Variants in GYPE observed in about 807,000 individuals in gnomAD.
The protein encoded by GYPE is glycophorin-E.
Under a neutral mutation model 11.6 loss-of-function variants are expected in GYPE, and 8 were observed. The observed-to-expected ratio is 0.69, with a 90% CI of 0.41 to 1.25. The LOEUF is 1.25. Ranked by LOEUF, GYPE falls within the 50% of genes most tolerant of loss-of-function variation. GYPE has a pLI of 0.01. For missense variants in GYPE, 90 were observed against 92.8 expected, an observed-to-expected ratio of 0.97 and a Z score of 0.12; for synonymous variants, 28 against 29.6, an observed-to-expected ratio of 0.94 and a Z score of 0.18.
intron 3 of GYPE, among the ~76,000 whole-genome samples, chr4:143,872,889 G>GT (rs1172187793): frequency 1.8e-4 from 28 of 151,848 alleles, no homozygotes; most frequent in African/African-American, 6.8e-4. Context: ...GGGTTGAAGG[G>GT]GGCAGGCCAG....
Position 143,878,671 on chromosome 4 carries a change from C to G in GYPE, c.136+1740G>C, listed in dbSNP as rs573190197. ...AGGGAAACGATGGACAAGTTGTCCC[C>G]TTTCTCCTATAAAGCGAAATTTCAA... On this transcript the variant is annotated intron_variant, in intron 2 of 3. Coordinates refer to ENST00000358615, the MANE Select transcript of GYPE (RefSeq NM_198682.3). 4 of 490,978 alleles carry G rather than the reference C, an allele frequency of 8.1e-6. 1 individual carries two copies. The highest frequency in any genetic ancestry group is 1.2e-4 in the East Asian group (2 of 16,866). 30.4% of individuals were successfully genotyped at this position (490,978 alleles called of 1,614,324 possible).
intron 3 of GYPE, among the ~76,000 whole-genome samples, chr4:143,872,687 A>G (rs1040280970): frequency 7.2e-5 from 11 of 152,170 alleles, no homozygotes; most frequent in Admixed American, 2.0e-4. Context: ...CAAAGCAGAT[A>G]AAAAATACAG....
At chr4:143,904,232 T>C (rs1744976629) in intron 1 of GYPE, among the ~76,000 whole-genome samples, 1 of 152,060 alleles carries the variant, frequency 6.6e-6, no homozygotes, top group Non-Finnish European at 1.5e-5. Flanking sequence ...ATTTTAATAA[T>C]ATATTATTAA....
chr4:143,874,219 A>C (rs1743714664), intron 3 of GYPE, among the ~76,000 whole-genome samples: 2 of 152,144 alleles, frequency 1.3e-5, no homozygotes, highest in African/African-American at 4.8e-5. Context: ...AAAAAGTGTA[A>C]AGAAAAAGAC....
intron 1 of GYPE, among the ~76,000 whole-genome samples, chr4:143,894,631 G>A (rs1293988113): frequency 1.3e-5 from 2 of 152,118 alleles, no homozygotes; most frequent in Non-Finnish European, 2.9e-5. Context: ...AGAAAAAGAG[G>A]GAATCCTCCC....
chr4:143,886,319 GA>G (rs1230024011), intron 1 of GYPE, among the ~76,000 whole-genome samples: 371 of 145,114 alleles, frequency 2.6e-3, no homozygotes, highest in East Asian at 0.015. Flanking sequence ...GCATCTGGTT[GA>G]AAAAAAAAAA....
At chr4:143,881,803 C>G (rs184583457) in intron 1 of GYPE, among the ~76,000 whole-genome samples, 2 of 152,278 alleles carry the variant, frequency 1.3e-5, no homozygotes, top group African/African-American at 4.8e-5. Flanking sequence ...TTGCTCATCT[C>G]TTTGAGATAT....
intron 3 of GYPE, among the ~76,000 whole-genome samples, chr4:143,873,169 T>C (rs1031064051): frequency 9.2e-5 from 14 of 152,184 alleles, no homozygotes; most frequent in African/African-American, 3.4e-4. Flanking sequence ...CTTTTAGTGA[T>C]TTCTTTTTAA....
At chr4:143,898,772 C>T (rs1190478046) in intron 1 of GYPE, among the ~76,000 whole-genome samples, 3 of 152,160 alleles carry the variant, frequency 2.0e-5, no homozygotes. Context: ...TATTCCCATA[C>T]ACTCATTTTG....
chr4:143,899,232 C>A (rs951674490), intron 1 of GYPE, among the ~76,000 whole-genome samples: 1 of 150,102 alleles, frequency 6.7e-6, no homozygotes, highest in Non-Finnish European at 1.5e-5. Context: ...CGGAGCCAAT[C>A]CTGGAACATC....
intron 1 of GYPE, among the ~76,000 whole-genome samples, chr4:143,897,934 A>G (rs1409478156): frequency 1.3e-5 from 2 of 152,220 alleles, no homozygotes; most frequent in African/African-American, 4.8e-5. Flanking sequence ...AATAAAACAT[A>G]GTATATATAT....
chr4:143,872,261 A>T lies in GYPE; in HGVS notation c.*10-9T>A, dbSNP rs1463942400. On this transcript the variant is annotated splice_polypyrimidine_tract_variant and intron_variant, in intron 3 of 3. Coordinates refer to ENST00000358615, the MANE Select transcript of GYPE (RefSeq NM_198682.3). ...CCCAGAGGCATGAAAACCTAGAAAAAAGAAAGTAGCTGTATAGCTTTCATT... is the reference window on the plus strand; with the variant it reads ...CCCAGAGGCATGAAAACCTAGAAAATAGAAAGTAGCTGTATAGCTTTCATT... The T allele has an allele frequency of 1.3e-5, 2 of 152,566 alleles. No individual in the cohort carries two copies. Among genetic ancestry groups the T allele is most frequent in the Non-Finnish European group, 2.9e-5 (2 of 68,034 alleles). The allele number at this position is 152,566 out of a possible 1,614,324, so 9.5% of individuals were successfully genotyped here. A position where few individuals can be genotyped will look rare whatever the true frequency, so the allele number is the denominator to read the frequency against.
intron 3 of GYPE, chr4:143,873,520 AG>A (rs1401061526): frequency 1.8e-5 from 8 of 451,970 alleles, no homozygotes; most frequent in South Asian, 1.3e-4. Context: ...ACAATCTATG[AG>A]TAACTTAAGT....
intron 2 of GYPE, chr4:143,878,700 A>T: frequency 2.0e-6 from 1 of 490,936 alleles, no homozygotes; most frequent in Non-Finnish European, 4.2e-6. Flanking sequence ...ATTTCAATGT[A>T]AGTCCAAATA....
At position 143,872,181 on chromosome 4, in the gene GYPE, A is replaced by T. The variant is rs371857550; in HGVS notation, c.*81T>A. On this transcript the variant is annotated 3_prime_UTR_variant, in exon 4 of 4. Coordinates refer to ENST00000358615, the MANE Select transcript of GYPE (RefSeq NM_198682.3). ...CAGCCGTCAGGCACACAATTACACC[A>T]TGAACAGTGAAGTAAAAAAATGTCC... is the stretch of plus-strand genomic sequence containing the variant. The T allele has an allele frequency of 1.3e-5, 2 of 152,504 alleles. No homozygotes were observed. The highest frequency in any genetic ancestry group is 2.9e-5 in the Non-Finnish European group (2 of 68,020). 9.4% of individuals were successfully genotyped at this position (152,504 alleles called of 1,614,324 possible).
rs538079177 is a variant in GYPE, at chr4:143,873,476, C to T, written c.*10-1224G>A. 242 of 455,530 alleles carry T rather than the reference C, an allele frequency of 5.3e-4. 1 individual carries two copies. The highest frequency in any genetic ancestry group is 3.6e-3 in the South Asian group (233 of 64,392). 28.2% of individuals were successfully genotyped at this position (455,530 alleles called of 1,614,324 possible). On this transcript the variant is annotated intron_variant, in intron 3 of 3. Coordinates refer to ENST00000358615, the MANE Select transcript of GYPE (RefSeq NM_198682.3). ...CAAATTATGTTACCAATAACACAAC[C>T]TACAAGAGAGAAGAGCCATGAGAAG...
At chr4:143,876,704 T>A in intron 3 of GYPE, 42 bp downstream of exon 3, 3 of 974,652 alleles carry the variant, frequency 3.1e-6, no homozygotes, top group Middle Eastern at 2.1e-4. Flanking sequence ...CGAGAGCTGT[T>A]CACACTGGTA....
At chr4:143,878,085 A>C (rs984919035) in intron 2 of GYPE, among the ~76,000 whole-genome samples, 1 of 148,086 alleles carries the variant, frequency 6.8e-6, no homozygotes, top group Non-Finnish European at 1.5e-5. Context: ...AAAAACTATT[A>C]CCAAATTATG....
intron 1 of GYPE, among the ~76,000 whole-genome samples, chr4:143,886,454 C>A (rs1383493525): frequency 4.0e-4 from 46 of 114,624 alleles, no homozygotes; most frequent in Admixed American, 2.1e-3. Flanking sequence ...ATGTTCAAAA[C>A]TACATTTGAT....
Sources: allele counts gnomAD v4.1 joint callset (sites outside exome capture counted in the v4.1 genomes callset), GRCh38; gene constraint gnomAD v4.1.1; transcripts MANE v1.5; gene names NCBI Gene and HGNC (gene_info 2026-07-23, HGNC 2026-07-21).